AKAP7: variants seen among roughly 807,000 people sequenced by gnomAD.
AKAP7 encodes the protein A kinase (PRKA) anchor protein 7.
In AKAP7, 39 loss-of-function variants were observed where a neutral mutation model predicts 39.5. The observed-to-expected ratio is 0.99, with a 90% CI of 0.76 to 1.29. AKAP7 has a LOEUF of 1.29. AKAP7 is among the 50% of genes most tolerant of loss of function. AKAP7 has a pLI of 0.00. For missense variants in AKAP7, 414 were observed against 407.7 expected (o/e 1.02, Z -0.13); for synonymous variants, 140 against 139.1 (o/e 1.01, Z -0.05).
intron 7 of AKAP7, chr6:131,250,225 CAT>C: frequency 9.7e-7 from 1 of 1,029,940 alleles, no homozygotes; most frequent in South Asian, 4.4e-5. Context: ...TTCTTAAAGA[CAT>C]ATGCAAATAG....
chr6:131,262,119 G>A (rs961061092), intron 7 of AKAP7, among the ~76,000 whole-genome samples: 3 of 152,080 alleles, frequency 2.0e-5, no homozygotes, highest in African/African-American at 4.8e-5. Context: ...TGTCTCTAAG[G>A]GAATGCAGTG....
intron 7 of AKAP7, among the ~76,000 whole-genome samples, chr6:131,245,171 A>G (rs1811895468): frequency 6.6e-6 from 1 of 152,086 alleles, no homozygotes; most frequent in Non-Finnish European, 1.5e-5. Flanking sequence ...ACAAAGATGC[A>G]GCAGTGGCTA....
intron 7 of AKAP7, among the ~76,000 whole-genome samples, chr6:131,267,925 T>C (rs1328049646): frequency 6.6e-6 from 1 of 152,170 alleles, no homozygotes; most frequent in African/African-American, 2.4e-5. Context: ...GTCAGATTCA[T>C]TTCTGTATTT....
chr6:131,279,615 A>T (rs530922191), intron 7 of AKAP7, among the ~76,000 whole-genome samples: 59 of 152,296 alleles, frequency 3.9e-4, no homozygotes, highest in African/African-American at 1.3e-3. Context: ...TAACAGGGAC[A>T]CTTCACTGTG....
intron 7 of AKAP7, among the ~76,000 whole-genome samples, chr6:131,245,243 CTTTT>C (rs1240021057): frequency 7.4e-6 from 1 of 135,226 alleles, no homozygotes; most frequent in Non-Finnish European, 1.6e-5. Context: ...GAGTTGAATT[CTTTT>C]TTTTTTTTTT....
At chr6:131,242,198 C>G in intron 7 of AKAP7, 1 of 984,232 alleles carries the variant, frequency 1.0e-6, no homozygotes, top group African/African-American at 1.7e-5. Flanking sequence ...AGTATTTTAT[C>G]TTGATTCTGG....
intron 7 of AKAP7, among the ~76,000 whole-genome samples, chr6:131,251,568 TA>T (rs3836927): frequency 2.5e-4 from 37 of 150,570 alleles, no homozygotes; most frequent in Admixed American, 1.1e-3. Flanking sequence ...CAGGGACTGT[TA>T]AAAAAAAAAT....
In AKAP7 at chr6:131,203,126, G is replaced by T. The variant is rs531713430; in HGVS notation, c.702+3553G>T. Among the ~76,000 whole-genome samples the T allele has an allele frequency of 2.6e-5, 4 of 152,244 alleles. No homozygotes were observed. In the South Asian group the frequency reaches 8.3e-4, roughly 32 times the overall value. On this transcript the variant is annotated intron_variant, in intron 6 of 7. Coordinates refer to ENST00000431975, the MANE Select transcript of AKAP7 (RefSeq NM_016377.4). The stretch of plus-strand genomic sequence containing the variant: ...CAGTTTCTTATGCAGCAAATCTACT[G>T]TAAAGGTTAAAACCAGTATGAAAAG...
chr6:131,246,916 A>G (rs1812048285), intron 7 of AKAP7, among the ~76,000 whole-genome samples: 1 of 152,126 alleles, frequency 6.6e-6, no homozygotes. Context: ...TCAAATGCTT[A>G]GGGTTTGTAG....
intron 1 of AKAP7, among the ~76,000 whole-genome samples, chr6:131,138,065 T>G (rs1183183526): frequency 6.6e-6 from 1 of 152,200 alleles, no homozygotes; most frequent in Non-Finnish European, 1.5e-5. Flanking sequence ...ATTTTTTTCA[T>G]TGTTTCTATT....
chr6:131,185,382 T>G, intron 5 of AKAP7: 1 of 532,730 alleles, frequency 1.9e-6, no homozygotes, highest in Non-Finnish European at 3.6e-6. Flanking sequence ...AGGCACATGC[T>G]GTGCTCAGCA....
intron 5 of AKAP7, among the ~76,000 whole-genome samples, chr6:131,193,041 ACTT>A (rs1250854844): frequency 6.6e-6 from 1 of 151,944 alleles, no homozygotes; most frequent in Non-Finnish European, 1.5e-5. Context: ...GGATAATTTG[ACTT>A]CTTCTTTTTC....
intron 7 of AKAP7, among the ~76,000 whole-genome samples, chr6:131,274,745 C>G (rs1156960475): frequency 6.6e-6 from 1 of 152,150 alleles, no homozygotes; most frequent in Non-Finnish European, 1.5e-5. Context: ...TCACCTCACC[C>G]ATGACTCTCT....
intron 4 of AKAP7, among the ~76,000 whole-genome samples, chr6:131,165,897 C>T (rs1392022837): frequency 1.3e-5 from 2 of 152,232 alleles, no homozygotes; most frequent in East Asian, 3.9e-4. Context: ...TCCTATATAG[C>T]TCACTGTGTT....
chr6:131,231,161 T>G (rs976331380), intron 7 of AKAP7, among the ~76,000 whole-genome samples: 8 of 152,196 alleles, frequency 5.3e-5, no homozygotes, highest in Non-Finnish European at 1.2e-4. Flanking sequence ...TGAATTGGTT[T>G]GATAACTCTC....
Position 131,207,517 on chromosome 6 carries a change from T to TTTTTA in AKAP7, c.702+7944_702+7945insTTTTA, listed in dbSNP as rs1367120493. Among the ~76,000 whole-genome samples the TTTTTA allele has an allele frequency of 3.5e-5, 5 of 141,564 alleles. 1 individual carries two copies. The highest frequency in any genetic ancestry group is 1.4e-4 in the African/African-American group (5 of 36,628). The allele number at this position is 141,564 out of a possible 152,430, so 92.9% of individuals were successfully genotyped here. A position where few individuals can be genotyped will look rare whatever the true frequency, so the allele number is the denominator to read the frequency against. ...TTTTTTTTTTTTTTTTTTTTTTTTTTAGATATGGGGTGTTGCTATGTTGCC... is the reference window on the plus strand; with the variant it reads ...TTTTTTTTTTTTTTTTTTTTTTTTTTTTTTAAGATATGGGGTGTTGCTATGTTGCC... On this transcript the variant is annotated intron_variant, in intron 6 of 7. Transcript: ENST00000431975.
chr6:131,210,924 G>A (rs1441647487), intron 6 of AKAP7, among the ~76,000 whole-genome samples: 1 of 152,192 alleles, frequency 6.6e-6, no homozygotes, highest in Non-Finnish European at 1.5e-5. Context: ...TAAACTTTGT[G>A]CTCTTGGACT....
chr6:131,173,828 TACTC>T (rs988992615), intron 5 of AKAP7, among the ~76,000 whole-genome samples: 6 of 152,354 alleles, frequency 3.9e-5, no homozygotes, highest in African/African-American at 9.6e-5. Flanking sequence ...CATTTCTAAT[TACTC>T]ATTCATTCAT....
intron 1 of AKAP7, among the ~76,000 whole-genome samples, chr6:131,142,542 T>C (rs183678113): frequency 1.3e-5 from 2 of 152,320 alleles, no homozygotes; most frequent in East Asian, 3.9e-4. Flanking sequence ...CCACCTAGAT[T>C]TCAGATGATG....
Sources: gnomAD v4.1 joint callset for allele counts (sites outside exome capture counted in the v4.1 genomes callset) on GRCh38, gnomAD v4.1.1 for gene constraint, MANE v1.5 for transcripts, NCBI Gene and HGNC (gene_info 2026-07-23, HGNC 2026-07-21) for gene names.